Variants in SVIL observed in about 807,000 individuals in gnomAD.
SVIL encodes the protein supervillin, also known as archvillin.
SVIL carries 101 observed loss-of-function variants against 240.4 expected under a neutral mutation model. That is an observed-to-expected ratio of 0.42 (90% CI 0.36 to 0.50). The LOEUF is 0.50. SVIL is among the 20% of genes least tolerant of loss of function. The pLI, the probability that SVIL is intolerant of heterozygous loss-of-function variation, is 0.01. For missense variants in SVIL, 2,512 were observed against 2,818.7 expected (o/e 0.89, Z 2.46); for synonymous variants, 999 against 1,100.0 (o/e 0.91, Z 1.82).
At position 29,526,989 on chromosome 10, in the gene SVIL, C is replaced by T. The variant is rs566419574; in HGVS notation, c.2314G>A (p.Val772Ile). Residue 772 changes from valine (V) to isoleucine (I), a missense_variant, in exon 13 of 38, where the codon GTA becomes ATA. This residue lies in a region of SVIL where 1,443 missense variants were observed against 1,486.6 expected (regional missense o/e 0.97). Coordinates refer to ENST00000355867, the MANE Select transcript of SVIL (RefSeq NM_021738.3). Reference protein sequence around the residue: ...PVMARLPSPTVARSAVQPARL... With the variant: ...PVMARLPSPTIARSAVQPARL... Reference sequence around the variant, plus strand: ...GCAGGCTGCACAGCGCTCCTAGCTACAGTGGGGCTAGGAAGTCTCGCCATT... The same window carrying T: ...GCAGGCTGCACAGCGCTCCTAGCTATAGTGGGGCTAGGAAGTCTCGCCATT... The T allele has an allele frequency of 1.7e-5, 27 of 1,610,654 alleles. No homozygotes were observed. The highest frequency in any genetic ancestry group is 3.3e-4 in the Middle Eastern group (2 of 6,034).
At chr10:29,693,207 C>G (rs1182024291) in intron 1 of SVIL, among the ~76,000 whole-genome samples, 1 of 150,352 alleles carries the variant, frequency 6.7e-6, no homozygotes, top group African/African-American at 2.5e-5. Flanking sequence ...CCAACTTGCC[C>G]AGGTGTTAGA....
rs3896184 is a variant in SVIL, at chr10:29,485,029, C to T, written c.4780-198G>A. Among the ~76,000 whole-genome samples the T allele has an allele frequency of 0.28, 41,930 of 151,594 alleles. 6,248 individuals are homozygous for T. The highest frequency in any genetic ancestry group is 0.54 in the East Asian group (2,739 of 5,098). On this transcript the variant is annotated intron_variant, in intron 26 of 37. Coordinates refer to ENST00000355867, the MANE Select transcript of SVIL (RefSeq NM_021738.3). ...CGAGCCAGCCTCTGCCCTGCGGGCA[C>T]GATTCCTCCTCCCAGTGTCCTAAGT...
At chr10:29,487,065 T>G in intron 24 of SVIL, 98 bp downstream of exon 24, 2 of 1,457,848 alleles carry the variant, frequency 1.4e-6, no homozygotes, top group Non-Finnish European at 1.8e-6. Flanking sequence ...ATGCAACACC[T>G]GGCTTTTGAG....
At chr10:29,516,342 G>A (rs187437173) in intron 16 of SVIL, among the ~76,000 whole-genome samples, 3 of 152,274 alleles carry the variant, frequency 2.0e-5, no homozygotes, top group Admixed American at 6.5e-5. Context: ...GCCAGCCCTC[G>A]GCTCCAGCCT....
At position 29,481,411 on chromosome 10, in the gene SVIL, T is replaced by C. The variant is rs375161954; in HGVS notation, c.5100+173A>G. Among the ~76,000 whole-genome samples, 67 of 152,146 alleles carry C rather than the reference T, an allele frequency of 4.4e-4. 1 individual carries two copies. In the South Asian group the frequency reaches 0.014, roughly 31 times the overall value. ...GGGGTGACTGTTTTCCAATACTGTA[T>C]TGCATATTTCAAAATAGCTAGAGGA... On this transcript the variant is annotated intron_variant, in intron 28 of 37. Coordinates refer to ENST00000355867, the MANE Select transcript of SVIL (RefSeq NM_021738.3).
chr10:29,530,195 A>G (rs1050134952), intron 11 of SVIL, among the ~76,000 whole-genome samples: 1 of 152,124 alleles, frequency 6.6e-6, no homozygotes. Context: ...TAAAAATAAC[A>G]AAGAAATTCA....
chr10:29,460,918 A>G (rs1350615241), intron 36 of SVIL, among the ~76,000 whole-genome samples: 1 of 152,086 alleles, frequency 6.6e-6, no homozygotes, highest in Non-Finnish European at 1.5e-5. Flanking sequence ...AAACAAAAAC[A>G]AAACCTGAAG....
chr10:29,618,006 T>G (rs1957491744), intron 1 of SVIL, among the ~76,000 whole-genome samples: 1 of 152,210 alleles, frequency 6.6e-6, no homozygotes, highest in African/African-American at 2.4e-5. Context: ...CTGCAGCCTC[T>G]AATCCATGAT....
intron 17 of SVIL, among the ~76,000 whole-genome samples, chr10:29,509,330 G>GGAGA (rs66616602): frequency 0.033 from 2,232 of 66,752 alleles, 155 homozygotes; most frequent in East Asian, 0.078. Flanking sequence ...GGAGGGGGAG[G>GGAGA]GAGAGAGAGA....
intron 1 of SVIL, among the ~76,000 whole-genome samples, chr10:29,588,076 G>C (rs1228940445): frequency 0.028 from 4,077 of 147,270 alleles, no homozygotes; most frequent in African/African-American, 0.1. Flanking sequence ...TCAGCTTTTA[G>C]CCACGGGGCC....
In SVIL at chr10:29,463,511, A is replaced by G. The variant is rs776816011; in HGVS notation, c.6258T>C (p.Thr2086=). 1 of 1,613,938 alleles carries G rather than the reference A, an allele frequency of 6.2e-7. No homozygotes were observed. Among genetic ancestry groups the G allele is most frequent in the Admixed American group, 1.7e-5 (1 of 59,992 alleles). Residue 2086 remains threonine, a synonymous_variant, in exon 35 of 38, where the codon ACT becomes ACC. Transcript: ENST00000355867. ...CCTCACCTTTGCAGTACTGGAGCAC[A>G]GTCTCCATCGCACTCTTCCGGTCGG... is the stretch of plus-strand genomic sequence containing the variant. ...WASDRKSAME[T]VLQYCKGKNL...
intron 2 of SVIL, among the ~76,000 whole-genome samples, chr10:29,675,295 T>A (rs1054638264): frequency 3.9e-5 from 6 of 151,946 alleles, no homozygotes; most frequent in Non-Finnish European, 8.8e-5. Flanking sequence ...AGGTTAGGAG[T>A]TTGAGATCAG....
intron 22 of SVIL, among the ~76,000 whole-genome samples, 167 bp from the exon 23 acceptor site, chr10:29,488,923 A>G (rs1211406027): frequency 1.3e-5 from 2 of 152,240 alleles, no homozygotes; most frequent in Non-Finnish European, 2.9e-5. Flanking sequence ...ATGCTTAACC[A>G]CTGTGTTAAG....
chr10:29,464,476 T>C (rs571480771), intron 34 of SVIL, among the ~76,000 whole-genome samples: 1 of 152,174 alleles, frequency 6.6e-6, no homozygotes, highest in East Asian at 1.9e-4. Context: ...ATCAAAACTG[T>C]TCTACTGCCT....
intron 1 of SVIL, chr10:29,686,798 A>G (rs1184501048): frequency 2.0e-5 from 3 of 152,240 alleles, no homozygotes; most frequent in Admixed American, 1.3e-4. Flanking sequence ...CCTCACTTCC[A>G]TATGACCAGC....
chr10:29,543,213 A>G (rs1265567972), intron 6 of SVIL, among the ~76,000 whole-genome samples: 3 of 152,174 alleles, frequency 2.0e-5, no homozygotes, highest in Non-Finnish European at 4.4e-5. Flanking sequence ...TACATGGGTT[A>G]AGAGAGAGAG....
intron 16 of SVIL, among the ~76,000 whole-genome samples, chr10:29,515,559 T>A (rs557926930): frequency 1.3e-5 from 2 of 152,296 alleles, no homozygotes; most frequent in East Asian, 3.9e-4. Context: ...CAAGCACTCA[T>A]CTCACTGATA....
At chr10:29,705,259 G>A (rs145575919) in intron 1 of SVIL, among the ~76,000 whole-genome samples, 37 of 152,260 alleles carry the variant, frequency 2.4e-4, no homozygotes, top group African/African-American at 8.4e-4. Context: ...ATAAAGGTGT[G>A]TGTGGTTGGC....
chr10:29,610,675 C>T (rs1957211086), intron 1 of SVIL, among the ~76,000 whole-genome samples: 1 of 152,168 alleles, frequency 6.6e-6, no homozygotes, highest in Non-Finnish European at 1.5e-5. Context: ...CCTGCCTCAA[C>T]CTCCCAAAGT....
Sources: allele counts gnomAD v4.1 joint callset (sites outside exome capture counted in the v4.1 genomes callset), GRCh38; gene constraint gnomAD v4.1.1; regional missense constraint gnomAD v4.1.1; transcripts MANE v1.5; gene names NCBI Gene and HGNC (gene_info 2026-07-23, HGNC 2026-07-21).